LIPJ: variants seen among roughly 807,000 people sequenced by gnomAD.
LIPJ encodes the protein lipase member J.
A neutral mutation model predicts 39.8 loss-of-function variants in LIPJ; 33 were observed. The ratio of observed to expected loss-of-function variants is 0.83; its 90% CI spans 0.63 to 1.11. The LOEUF is 1.11. LIPJ is among the 50% of genes least tolerant of loss of function. The pLI, the probability that LIPJ is intolerant of heterozygous loss-of-function variation, is 0.00. For missense variants in LIPJ, 422 were observed against 427.9 expected (o/e 0.99, Z 0.12); for synonymous variants, 128 against 139.2 (o/e 0.92, Z 0.57).
At chr10:88,608,525 T>G (rs1456636724), downstream of LIPJ, among the ~76,000 whole-genome samples, 3 of 152,194 alleles carry the variant, frequency 2.0e-5, no homozygotes, top group Non-Finnish European at 4.4e-5. Context: ...CCGGGGACAT[T>G]TGTAGTCCCC....
chr10:88,596,918 C>T (rs1216669948), exon 8 of LIPJ: 1 of 1,531,182 alleles, frequency 6.5e-7, no homozygotes, highest in African/African-American at 1.4e-5. Context: ...TTGGATATGA[C>T]CCAAAAAACT....
rs1330453390 is a variant in LIPJ at position 88,594,063 on chromosome 10, G to A, written c.248G>A (p.Trp83Ter). 3.1e-6 allele frequency: 5 copies of A among 1,612,308 alleles called. No homozygotes were observed. The highest frequency in any genetic ancestry group is 4.2e-6 in the Non-Finnish European group (5 of 1,178,812). The change falls in exon 5 of 11, where the codon TGG becomes TAG. Residue 83 changes from tryptophan to a stop codon, truncating the protein, a stop_gained. Transcript: ENST00000371939. LOFTEE classifies it high-confidence loss of function. ...CTGGCAGATGCTGGTTATGATGTGTGGATGGGAAATAGCAGAGGAAATACC... is the reference window on the plus strand; with the variant it reads ...CTGGCAGATGCTGGTTATGATGTGTAGATGGGAAATAGCAGAGGAAATACC...
chr10:88,588,215 A>C (rs866885555), intron 2 of LIPJ, among the ~76,000 whole-genome samples: 6 of 151,868 alleles, frequency 4.0e-5, no homozygotes, highest in Admixed American at 6.6e-5. Context: ...AAAATTATTT[A>C]TCTTTTTTAG....
At chr10:88,602,413 A>C (rs550609852) in intron 8 of LIPJ, among the ~76,000 whole-genome samples, 163 bp from the exon 9 acceptor site, 16 of 152,198 alleles carry the variant, frequency 1.1e-4, no homozygotes, top group African/African-American at 3.8e-4. Flanking sequence ...TGTACAATTG[A>C]ATAAGTATAT....
chr10:88,618,863 A>T, the LIPJ span: 1 of 156,644 alleles, frequency 6.4e-6, no homozygotes, highest in African/African-American at 2.4e-5. Flanking sequence ...AGCTCTGTGA[A>T]ATTCTTTTGC....
chr10:88,617,965 A>T, the LIPJ span, among the ~76,000 whole-genome samples: 1 of 152,208 alleles, frequency 6.6e-6, no homozygotes, highest in African/African-American at 2.4e-5. Context: ...CAAAGATAAC[A>T]GCACTCTCCC....
At chr10:88,616,355 T>A in the LIPJ span, among the ~76,000 whole-genome samples, 1 of 152,132 alleles carries the variant, frequency 6.6e-6, no homozygotes, top group African/African-American at 2.4e-5. Context: ...CTCATAAAAG[T>A]CCCTGGCCTG....
chr10:88,614,839 T>A, the LIPJ span, among the ~76,000 whole-genome samples: 2 of 152,110 alleles, frequency 1.3e-5, no homozygotes, highest in Non-Finnish European at 2.9e-5. Context: ...TTTGCAAGGA[T>A]AGAAAAATAT....
chr10:88,622,540 A>G, the LIPJ span, among the ~76,000 whole-genome samples: 3 of 152,154 alleles, frequency 2.0e-5, no homozygotes, highest in Admixed American at 2.0e-4. Flanking sequence ...GGTGGGCTCG[A>G]GAATTTGCAT....
At chr10:88,596,017 A>G (rs548669603) in intron 6 of LIPJ, among the ~76,000 whole-genome samples, 17 of 151,760 alleles carry the variant, frequency 1.1e-4, no homozygotes, top group African/African-American at 3.9e-4. Flanking sequence ...TTTTTAAACT[A>G]TGGCATTACA....
In LIPJ at chr10:88,591,055, C is replaced by T. The variant is rs555459146; in HGVS notation, c.10-323C>T. ...TGCATGTATATTTTTAAATTGTATA[C>T]GAGTGGGTAGGTAAAAGTATGAGAG... On this transcript the variant is annotated intron_variant, in intron 3 of 10. Coordinates refer to ENST00000371939, the Ensembl canonical transcript of LIPJ. Among the ~76,000 whole-genome samples the T allele has an allele frequency of 7.3e-5, 11 of 151,574 alleles. No individual in the cohort carries two copies. The South Asian group carries it at 1.5e-3, about 20-fold the overall frequency.
chr10:88,607,185 A>G (rs943004897), downstream of LIPJ, among the ~76,000 whole-genome samples: 1 of 152,224 alleles, frequency 6.6e-6, no homozygotes, highest in Non-Finnish European at 1.5e-5. Flanking sequence ...TTTCAATTGC[A>G]GGAGATAACT....
chr10:88,601,084 G>C (rs1474036439), intron 8 of LIPJ, among the ~76,000 whole-genome samples: 2 of 151,998 alleles, frequency 1.3e-5, no homozygotes, highest in East Asian at 1.9e-4. Context: ...AAGTAGCTCA[G>C]ACTACCGACA....
chr10:88,587,920 C>A (rs1259102153), intron 2 of LIPJ, among the ~76,000 whole-genome samples: 1 of 151,874 alleles, frequency 6.6e-6, no homozygotes, highest in Non-Finnish European at 1.5e-5. Context: ...CGATTTTATC[C>A]AAATTATTAT....
At chr10:88,592,978 T>G (rs1324494439) in intron 4 of LIPJ, 2 of 151,934 alleles carry the variant, frequency 1.3e-5, no homozygotes, top group Non-Finnish European at 2.9e-5. Context: ...AGCCAGACCT[T>G]CATCCCTAGG....
chr10:88,609,316 C>A (rs141533035), downstream of LIPJ, among the ~76,000 whole-genome samples: 1 of 152,022 alleles, frequency 6.6e-6, no homozygotes, highest in Non-Finnish European at 1.5e-5. Context: ...TTTGGTAAAC[C>A]TTGGCACTAA....
the LIPJ span, among the ~76,000 whole-genome samples, chr10:88,615,166 G>A: frequency 6.6e-6 from 1 of 152,046 alleles, no homozygotes; most frequent in Non-Finnish European, 1.5e-5. Flanking sequence ...CTGGTAAATT[G>A]AATTATATTA....
intron 9 of LIPJ, 76 bp from the exon 10 acceptor site, chr10:88,605,557 G>A: frequency 1.1e-6 from 1 of 924,418 alleles, no homozygotes; most frequent in African/African-American, 1.6e-5. Context: ...GGGTATATAT[G>A]CATTGCATGC....
At chr10:88,591,878 C>T (rs976200797) in intron 4 of LIPJ, 2 of 154,366 alleles carry the variant, frequency 1.3e-5, no homozygotes, top group African/African-American at 4.8e-5. Context: ...CTGATTCTCT[C>T]CTCTAGAAAT....
Sources: allele counts gnomAD v4.1 joint callset (sites outside exome capture counted in the v4.1 genomes callset), GRCh38; gene constraint gnomAD v4.1.1; transcripts MANE v1.5; gene names NCBI Gene and HGNC (gene_info 2026-07-23, HGNC 2026-07-21).